RHOJ: variants seen among roughly 807,000 people sequenced by gnomAD.
RHOJ encodes ras homolog family member J, also known as rho-related GTP-binding protein RhoJ.
A neutral mutation model predicts 23.4 loss-of-function variants in RHOJ; 11 were observed. The observed-to-expected ratio is 0.47, with a 90% CI of 0.30 to 0.78. RHOJ has a LOEUF of 0.78. RHOJ is among the 30% of genes least tolerant of loss of function. RHOJ has a pLI of 0.08. For missense variants in RHOJ, 254 were observed against 273.4 expected (o/e 0.93, Z 0.50); for synonymous variants, 102 against 102.7 (o/e 0.99, Z 0.04).
chr14:63,235,041 C>T lies in RHOJ; in HGVS notation c.178+29994C>T, dbSNP rs376031041. On this transcript the variant is annotated intron_variant, in intron 1 of 4. Transcript: ENST00000316754. ...TTCTTCTGTCTAATCTAAATCTCCT[C>T]GGGTTTCTATGCTAAGGTGAAAGCA... Among the ~76,000 whole-genome samples the T allele has an allele frequency of 5.3e-5, 8 of 152,240 alleles. No homozygotes were observed. In the East Asian group the frequency reaches 7.7e-4, roughly 15 times the overall value.
intron 1 of RHOJ, among the ~76,000 whole-genome samples, chr14:63,242,990 G>A (rs1298721339): frequency 6.6e-6 from 1 of 152,112 alleles, no homozygotes; most frequent in Non-Finnish European, 1.5e-5. Context: ...CCAAATACAA[G>A]GAACCCACTG....
chr14:63,255,645 C>T (rs1001604659), intron 1 of RHOJ, among the ~76,000 whole-genome samples: 1 of 149,696 alleles, frequency 6.7e-6, no homozygotes, highest in African/African-American at 2.5e-5. Flanking sequence ...GAGAAAACAG[C>T]TCCAGCCCTG....
At chr14:63,288,092 A>G (rs939354600) in intron 4 of RHOJ, 1 of 814,028 alleles carries the variant, frequency 1.2e-6, no homozygotes, top group South Asian at 5.6e-5. Flanking sequence ...AAATGACACC[A>G]ATAATCTGAT....
chr14:63,234,757 T>G (rs966502674), intron 1 of RHOJ, among the ~76,000 whole-genome samples: 3 of 152,204 alleles, frequency 2.0e-5, no homozygotes, highest in African/African-American at 7.2e-5. Flanking sequence ...TATATAAATT[T>G]GTACTTAAGA....
At chr14:63,222,243 G>T (rs1321172390) in intron 1 of RHOJ, among the ~76,000 whole-genome samples, 2 of 151,934 alleles carry the variant, frequency 1.3e-5, no homozygotes, top group Admixed American at 6.6e-5. Flanking sequence ...ATTTGGGTTG[G>T]TTCCAAGTCT....
chr14:63,269,156 C>T lies in RHOJ; in HGVS notation c.225C>T (p.Asp75=). 1 of 1,611,872 alleles carries T rather than the reference C, an allele frequency of 6.2e-7. No individual in the cohort carries two copies. The highest frequency in any genetic ancestry group is 1.1e-5 in the South Asian group (1 of 91,028). Residue 75 remains aspartate (D), a synonymous_variant, in exon 2 of 5, where the codon GAC becomes GAT. Transcript: ENST00000316754. ...AGCAACACTTGCTCGGACTGTATGA[C>T]ACCGCGGGACAGGTACATTTTTATT... is the stretch of plus-strand genomic sequence containing the variant. ...GGKQHLLGLY[D]TAGQEDYNQL...
chr14:63,254,346 C>A (rs1256588604), intron 1 of RHOJ, among the ~76,000 whole-genome samples: 1 of 152,120 alleles, frequency 6.6e-6, no homozygotes. Context: ...TACAAGACTC[C>A]ACAACTCACT....
At chr14:63,228,677 C>CA (rs1401711810) in intron 1 of RHOJ, among the ~76,000 whole-genome samples, 1 of 150,666 alleles carries the variant, frequency 6.6e-6, no homozygotes, top group African/African-American at 2.4e-5. Context: ...GCAATGCACA[C>CA]ACACTTTAAA....
In RHOJ at chr14:63,283,222, G is replaced by A; in HGVS notation, c.498+6G>A. 1.9e-6 allele frequency: 3 copies of A among 1,606,902 alleles called. No individual in the cohort carries two copies. Among genetic ancestry groups the A allele is most frequent in the Non-Finnish European group, 2.6e-6 (3 of 1,173,718 alleles). On this transcript the variant is annotated splice_donor_region_variant and intron_variant, in intron 4 of 4. Coordinates refer to ENST00000316754, the MANE Select transcript of RHOJ (RefSeq NM_020663.5). The stretch of plus-strand genomic sequence containing the variant: ...GTGTGAAGCTCGCAAAAGCGGTACA[G>A]TCAGATTTGAATTTCATTTTAAATG...
At chr14:63,276,229 C>T (rs539682548) in intron 2 of RHOJ, among the ~76,000 whole-genome samples, 4 of 152,144 alleles carry the variant, frequency 2.6e-5, no homozygotes, top group South Asian at 2.1e-4. Context: ...GCGGGGGCTG[C>T]GTGGCACCTG....
At chr14:63,284,398 A>G in intron 4 of RHOJ, 1 of 965,052 alleles carries the variant, frequency 1.0e-6, no homozygotes, top group Non-Finnish European at 1.2e-6. Context: ...TAAGTACTTA[A>G]TAATATCTCT....
chr14:63,265,788 G>A (rs1895356643), intron 1 of RHOJ, among the ~76,000 whole-genome samples: 1 of 152,216 alleles, frequency 6.6e-6, no homozygotes, highest in Non-Finnish European at 1.5e-5. Flanking sequence ...GGCCTGGAAA[G>A]GCCAAGGGCT....
In RHOJ at chr14:63,216,689, G is replaced by A. The variant is rs573508700; in HGVS notation, c.178+11642G>A. On this transcript the variant is annotated intron_variant, in intron 1 of 4. Transcript: ENST00000316754. ...CAATAATTCAAGCTGGTAAATAAGAGCCTTAAGAGTTTTCCATAGTAAACA... is the reference window on the plus strand; with the variant it reads ...CAATAATTCAAGCTGGTAAATAAGAACCTTAAGAGTTTTCCATAGTAAACA... 4.6e-5 allele frequency among the ~76,000 whole-genome samples: 7 copies of A among 151,920 alleles called. No individual in the cohort carries two copies. The South Asian group carries it at 1.2e-3, about 27-fold the overall frequency.
rs1404871013 is a variant in RHOJ, at chr14:63,232,018, T to G, written c.178+26971T>G. ...GCACACATGTGTGACAGTCTCTTCA[T>G]AAGGAGAGCAGACAGTCATGACAGT... On this transcript the variant is annotated intron_variant, in intron 1 of 4. Transcript: ENST00000316754. Among the ~76,000 whole-genome samples, 8 of 152,276 alleles carry G rather than the reference T, an allele frequency of 5.3e-5. No individual in the cohort carries two copies. The Middle Eastern group carries it at 0.02, about 388-fold the overall frequency.
chr14:63,272,343 A>G (rs944251408), intron 2 of RHOJ, among the ~76,000 whole-genome samples: 2 of 152,254 alleles, frequency 1.3e-5, no homozygotes, highest in African/African-American at 4.8e-5. Flanking sequence ...AAGAACACAT[A>G]TAATTCAAAA....
At chr14:63,267,737 T>A (rs901661163) in intron 1 of RHOJ, among the ~76,000 whole-genome samples, 1 of 152,090 alleles carries the variant, frequency 6.6e-6, no homozygotes, top group African/African-American at 2.4e-5. Context: ...CATTTAAATG[T>A]CCTTCTTCTG....
At chr14:63,261,263 C>A (rs112242296) in intron 1 of RHOJ, among the ~76,000 whole-genome samples, 92 of 151,870 alleles carry the variant, frequency 6.1e-4, no homozygotes, top group African/African-American at 2.2e-3. Context: ...ATTAGAAAAC[C>A]TGTTTATGTA....
chr14:63,237,305 G>A (rs987286416), intron 1 of RHOJ, among the ~76,000 whole-genome samples: 2 of 151,998 alleles, frequency 1.3e-5, no homozygotes, highest in African/African-American at 4.8e-5. Context: ...TAGAAAGCAT[G>A]ATCTGACAAA....
At chr14:63,205,269 C>T (rs1247396749) in intron 1 of RHOJ, among the ~76,000 whole-genome samples, 1 of 152,096 alleles carries the variant, frequency 6.6e-6, no homozygotes, top group Non-Finnish European at 1.5e-5. Context: ...CGAATGGCAA[C>T]GCCAGGAAAA....
Sources: gnomAD v4.1 joint callset for allele counts (sites outside exome capture counted in the v4.1 genomes callset) on GRCh38, gnomAD v4.1.1 for gene constraint, MANE v1.5 for transcripts, NCBI Gene and HGNC (gene_info 2026-07-23, HGNC 2026-07-21) for gene names.